CEP250: variants seen among roughly 807,000 people sequenced by gnomAD.
The protein encoded by CEP250 is centrosome-associated protein CEP250.
Under a neutral mutation model 315.7 loss-of-function variants are expected in CEP250, and 242 were observed. The observed-to-expected ratio is 0.77, with a 90% CI of 0.69 to 0.85. CEP250 has a LOEUF of 0.85. CEP250 is among the 40% of genes least tolerant of loss of function. The pLI is 0.00. For missense variants in CEP250, 2,515 were observed against 2,886.4 expected, an observed-to-expected ratio of 0.87 and a Z score of 2.95; for synonymous variants, 1,088 against 1,175.0, an observed-to-expected ratio of 0.93 and a Z score of 1.51.
intron 34 of CEP250, 50 bp downstream of exon 34, chr20:35,510,104 C>T: frequency 6.5e-7 from 1 of 1,527,354 alleles, no homozygotes; most frequent in Non-Finnish European, 9.1e-7. Flanking sequence ...CACTCAGGCC[C>T]TTTGTGCACC....
chr20:35,479,070 G>A (rs570703382), intron 17 of CEP250, among the ~76,000 whole-genome samples, 161 bp from the exon 18 acceptor site: 4 of 152,294 alleles, frequency 2.6e-5, no homozygotes, highest in South Asian at 4.1e-4. Context: ...CTCTGTGGGC[G>A]GATCAGGGAA....
chr20:35,476,744 T>TG, intron 16 of CEP250, 149 bp downstream of exon 16: 1 of 631,498 alleles, frequency 1.6e-6, no homozygotes, highest in Non-Finnish European at 2.6e-6. Flanking sequence ...GGCTTAGCCA[T>TG]TATAAATATT....
In CEP250 at chr20:35,503,208, C is replaced by T. The variant is rs758915146; in HGVS notation, c.4839C>T (p.Asp1613=). The stretch of plus-strand genomic sequence containing the variant: ...AGGCACAAAGCAGCCAGATCCATGA[C>T]CTGGAGAGCCACAGCACCGTTCTGG... The part of the protein sequence containing the change: ...ELQAQSSQIH[D]LESHSTVLAR... The change falls in exon 30 of 35, where the codon GAC becomes GAT. Residue 1613 remains aspartate (D), a synonymous_variant. Coordinates refer to ENST00000397527, the MANE Select transcript of CEP250 (RefSeq NM_007186.6). This position sits in a 1 kb window ranked among gnomAD's most constrained non-coding sequence, Gnocchi z 4.2. 12 of 1,613,960 alleles carry T rather than the reference C, an allele frequency of 7.4e-6. No individual in the cohort carries two copies. In the South Asian group the frequency reaches 8.8e-5, roughly 12 times the overall value.
rs1325259454 is a variant in CEP250, at chr20:35,478,134, G to C, written c.2094+33G>C. On this transcript the variant is annotated intron_variant, in intron 17 of 34. Transcript: ENST00000397527. ...GCCAAAATGGACACCATCATGTCTAGGTGTAATATATGCTCATTATAAAAA... is the reference window on the plus strand; with the variant it reads ...GCCAAAATGGACACCATCATGTCTACGTGTAATATATGCTCATTATAAAAA... 4.4e-6 allele frequency: 6 copies of C among 1,379,294 alleles called. No individual in the cohort carries two copies. In the South Asian group the frequency reaches 7.1e-5, roughly 16 times the overall value. The allele number at this position is 1,379,294 out of a possible 1,614,324, so 85.4% of individuals were successfully genotyped here.
In CEP250 at chr20:35,503,254, G is replaced by C; in HGVS notation, c.4885G>C (p.Asp1629His). Residue 1629 changes from aspartate (D) to histidine (H), a missense_variant, in exon 30 of 35, where the codon GAC becomes CAC. Coordinates refer to ENST00000397527, the MANE Select transcript of CEP250 (RefSeq NM_007186.6). The surrounding 1 kb of genome is among the most constrained non-coding windows in gnomAD (Gnocchi z 4.2). ...TVLARELQER[D>H]QEVKSQREQI... ...TCTGGCAAGAGAGCTGCAGGAGAGG[G>C]ACCAGGAGGTGAAGTCTCAGCGAGA... 6.2e-7 allele frequency: 1 copy of C among 1,614,182 alleles called. No individual in the cohort carries two copies. Among genetic ancestry groups the C allele is most frequent in the Non-Finnish European group, 8.5e-7 (1 of 1,180,028 alleles).
In CEP250 at chr20:35,502,511, T is replaced by G. The variant is rs1381401024; in HGVS notation, c.4142T>G (p.Leu1381Arg). The G allele has an allele frequency of 6.2e-7, 1 of 1,614,076 alleles. No individual in the cohort carries two copies. Among genetic ancestry groups the G allele is most frequent in the Non-Finnish European group, 8.5e-7 (1 of 1,180,032 alleles). The change falls in exon 30 of 35, where the codon CTG (leucine) becomes CGG (arginine). Residue 1381 changes from leucine to arginine, a missense_variant. By Grantham distance (102) the Leu-to-Arg change is moderately radical. Transcript: ENST00000397527. ...GCTGCTGGCATCCTGGAAGAAGACCTGAGAACGGCTCGCTCAGCACTGAAG... is the reference window on the plus strand; with the variant it reads ...GCTGCTGGCATCCTGGAAGAAGACCGGAGAACGGCTCGCTCAGCACTGAAG... ...ASAAGILEED[L>R]RTARSALKLK...
rs756842493 is a variant in CEP250, at chr20:35,496,635, T to C, written c.3226T>C (p.Ser1076Pro). 5 of 1,614,118 alleles carry C rather than the reference T, an allele frequency of 3.1e-6. No individual in the cohort carries two copies. The highest frequency in any genetic ancestry group is 2.2e-5 in the South Asian group (2 of 91,074). ...ACTCCTTGTTTTACAAGAAGCTGAC[T>C]CTATTCGACAACAAGAGCTGAGTGC... ...QRLLVLQEAD[S>P]IRQQELSALR... Residue 1076 changes from serine to proline, a missense_variant, in exon 25 of 35, where the codon TCT becomes CCT. Physicochemically the swap from Ser to Pro is moderately conservative, Grantham distance 74 (BLOSUM62 -1). Transcript: ENST00000397527.
chr20:35,467,154 C>G (rs1177150715), intron 8 of CEP250, 82 bp downstream of exon 8: 2 of 405,448 alleles, frequency 4.9e-6, no homozygotes, highest in African/African-American at 3.4e-5. Flanking sequence ...GAAGCGGGAT[C>G]AGCTGTGGGG....
At chr20:35,486,077 A>G (rs2063505296) in intron 20 of CEP250, among the ~76,000 whole-genome samples, 1 of 146,990 alleles carries the variant, frequency 6.8e-6, no homozygotes, top group Non-Finnish European at 1.5e-5. Flanking sequence ...TCTGTTGCAC[A>G]GGCAGTGGTG....
intron 7 of CEP250, 140 bp downstream of exon 7, chr20:35,466,344 T>C (rs2062877175): frequency 1.9e-6 from 2 of 1,032,812 alleles, no homozygotes; most frequent in South Asian, 1.7e-5. Flanking sequence ...CATCCTTACC[T>C]GCGCATGCTG....
In CEP250 at chr20:35,496,624, A is replaced by G. The variant is rs1350907991; in HGVS notation, c.3215A>G (p.Gln1072Arg). 3 of 1,614,128 alleles carry G rather than the reference A, an allele frequency of 1.9e-6. No individual in the cohort carries two copies. The South Asian group carries it at 3.3e-5, about 18-fold the overall frequency. Residue 1072 changes from glutamine to arginine, a missense_variant, in exon 25 of 35, where the codon CAA becomes CGA. Coordinates refer to ENST00000397527, the MANE Select transcript of CEP250 (RefSeq NM_007186.6). ...AAGGAACAGAGACTCCTTGTTTTAC[A>G]AGAAGCTGACTCTATTCGACAACAA... ...MEKEQRLLVL[Q>R]EADSIRQQEL...
intron 17 of CEP250, among the ~76,000 whole-genome samples, chr20:35,478,336 G>A (rs968243949): frequency 3.3e-5 from 5 of 152,180 alleles, no homozygotes; most frequent in African/African-American, 1.2e-4. Flanking sequence ...GGAGGCCGAG[G>A]CGGGCGGATC....
At chr20:35,456,305 G>A (rs943685857) in intron 1 of CEP250, among the ~76,000 whole-genome samples, 1 of 152,204 alleles carries the variant, frequency 6.6e-6, no homozygotes, top group Non-Finnish European at 1.5e-5. Context: ...TTTGCCAGGA[G>A]TCCCACAACT....
Position 35,504,167 on chromosome 20 carries a change from C to T in CEP250, c.5798C>T (p.Ala1933Val), listed in dbSNP as rs116637219. ...CAGGACAGCTGGCTGCAGGCCCAGG[C>T]AGTGCTCAAGGAACGGGACCAGGAG... ...ALQDSWLQAQ[A>V]VLKERDQELE... The change falls in exon 30 of 35, where the codon GCA becomes GTA. Residue 1933 changes from alanine (A) to valine (V), a missense_variant. Physicochemically the swap from Ala to Val is moderately conservative, Grantham distance 64. Transcript: ENST00000397527. 2.9e-4 allele frequency: 466 copies of T among 1,613,906 alleles called. 3 individuals carry two copies. The South Asian group carries it at 4.7e-3, about 16-fold the overall frequency.
Position 35,502,487 on chromosome 20 carries a change from C to T in CEP250, c.4118C>T (p.Ala1373Val). 1 of 1,614,184 alleles carries T rather than the reference C, an allele frequency of 6.2e-7. No individual in the cohort carries two copies. The highest frequency in any genetic ancestry group is 8.5e-7 in the Non-Finnish European group (1 of 1,180,028). Reference protein sequence around the residue: ...AVVEARAQASAAGILEEDLRT... With the variant: ...AVVEARAQASVAGILEEDLRT... The stretch of plus-strand genomic sequence containing the variant: ...GTAGAAGCCAGGGCTCAGGCAAGTG[C>T]TGCTGGCATCCTGGAAGAAGACCTG... Residue 1373 changes from alanine to valine, a missense_variant, in exon 30 of 35, where the codon GCT becomes GTT. Ala to Val is a moderately conservative substitution (Grantham distance 64). Transcript: ENST00000397527.
chr20:35,473,430 G>A lies in CEP250; in HGVS notation c.1266G>A (p.Gln422=). 6.2e-7 allele frequency: 1 copy of A among 1,614,192 alleles called. No homozygotes were observed. Among genetic ancestry groups the A allele is most frequent in the Non-Finnish European group, 8.5e-7 (1 of 1,180,024 alleles). The change falls in exon 13 of 35, where the codon CAG becomes CAA. Residue 422 remains glutamine, a synonymous_variant. Transcript: ENST00000397527. ...AGGCTGTGAACTTGTTGCAACAGCA[G>A]CATGATCAGTGGGAGGAAGAGGGCA... ...CQEAVNLLQQ[Q]HDQWEEEGKA...
Position 35,490,642 on chromosome 20 carries a change from G to T in CEP250, c.2592G>T (p.Lys864Asn). Residue 864 changes from lysine to asparagine, a missense_variant, in exon 21 of 35, where the codon AAG becomes AAT. Transcript: ENST00000397527. The part of the protein sequence containing the change: ...EVNQLREKWE[K>N]ERSWHQQELA... ...TGTTTCCTTCATGTGGCCAGGAGAA[G>T]GAGCGCTCCTGGCACCAGCAGGAGC... is the stretch of plus-strand genomic sequence containing the variant. 1 of 1,612,764 alleles carries T rather than the reference G, an allele frequency of 6.2e-7. No homozygotes were observed.
chr20:35,497,685 C>T, intron 25 of CEP250, 34 bp from the exon 26 acceptor site: 1 of 1,464,744 alleles, frequency 6.8e-7, no homozygotes, highest in South Asian at 1.3e-5. Context: ...GTATCCGCTT[C>T]CTGCTTATAT....
intron 6 of CEP250, 62 bp from the exon 7 acceptor site, chr20:35,465,977 G>A (rs1287828386): frequency 5.0e-6 from 8 of 1,587,238 alleles, no homozygotes; most frequent in Non-Finnish European, 6.9e-6. Flanking sequence ...CTTACTCCCA[G>A]GAGGTCCAAG....
Sources: gnomAD v4.1 joint callset for allele counts (sites outside exome capture counted in the v4.1 genomes callset) on GRCh38, gnomAD v4.1.1 for gene constraint, Gnocchi (gnomAD v3.1) non-coding constraint, MANE v1.5 for transcripts, NCBI Gene and HGNC (gene_info 2026-07-23, HGNC 2026-07-21) for gene names.